Variants in SAMD5 observed in about 807,000 individuals in gnomAD.
The protein encoded by SAMD5 is sterile alpha motif domain containing 5, also known as sterile alpha motif domain-containing protein 5.
Under a neutral mutation model 11.3 loss-of-function variants are expected in SAMD5, and 13 were observed. The observed-to-expected ratio is 1.15, with a 90% CI of 0.75 to 1.83. SAMD5 has a LOEUF of 1.83. Among genes scored for constraint, SAMD5 ranks in the 40% most tolerant of loss-of-function variants. The pLI is 0.00. For synonymous variants in SAMD5, 129 were observed against 111.3 expected (o/e 1.16, Z -1.00); for missense variants, 255 against 239.1 (o/e 1.07, Z -0.44).
At chr6:147,537,982 A>AT (rs1788540183) in intron 1 of SAMD5, among the ~76,000 whole-genome samples, 1 of 152,164 alleles carries the variant, frequency 6.6e-6, no homozygotes, top group Non-Finnish European at 1.5e-5. Context: ...GTATTAGTGA[A>AT]TTTTTAATGT....
chr6:147,944,161 C>T, the SAMD5 span, among the ~76,000 whole-genome samples: 2 of 152,174 alleles, frequency 1.3e-5, no homozygotes, highest in African/African-American at 2.4e-5. Context: ...CTTACTATAC[C>T]CATTCACACA....
chr6:147,669,397 A>G (rs546993404), intron 1 of SAMD5, among the ~76,000 whole-genome samples: 1 of 146,962 alleles, frequency 6.8e-6, no homozygotes, highest in East Asian at 2.0e-4. Flanking sequence ...GTAGCCATTC[A>G]GTTGCATCTT....
chr6:147,945,711 G>A, the SAMD5 span, among the ~76,000 whole-genome samples: 15 of 152,282 alleles, frequency 9.9e-5, no homozygotes, highest in African/African-American at 2.4e-4. Context: ...TGGCAGGAAC[G>A]TTAGCCCCAC....
intron 1 of SAMD5, among the ~76,000 whole-genome samples, chr6:147,604,646 T>C (rs1379740169): frequency 6.6e-6 from 1 of 152,212 alleles, no homozygotes; most frequent in African/African-American, 2.4e-5. Flanking sequence ...CTCAGCTTGG[T>C]TGGAAGAATT....
the SAMD5 span, among the ~76,000 whole-genome samples, chr6:147,811,735 C>A: frequency 6.6e-6 from 1 of 151,418 alleles, no homozygotes; most frequent in Non-Finnish European, 1.5e-5. Context: ...CAACAATGAA[C>A]TTTAGATACT....
At chr6:147,537,254 C>T (rs1010611541) in intron 1 of SAMD5, among the ~76,000 whole-genome samples, 16 of 152,002 alleles carry the variant, frequency 1.1e-4, no homozygotes, top group African/African-American at 3.9e-4. Flanking sequence ...ATTTTTGTAC[C>T]AAATAAGCCA....
At chr6:147,945,931 C>T in the SAMD5 span, among the ~76,000 whole-genome samples, 1 of 152,142 alleles carries the variant, frequency 6.6e-6, no homozygotes, top group Non-Finnish European at 1.5e-5. Context: ...CAGCTTATTA[C>T]TGGGAGGTGA....
At chr6:147,819,680 C>A in the SAMD5 span, among the ~76,000 whole-genome samples, 1 of 152,186 alleles carries the variant, frequency 6.6e-6, no homozygotes, top group Non-Finnish European at 1.5e-5. Context: ...CACATGGGGA[C>A]TGGAATAGGT....
the SAMD5 span, among the ~76,000 whole-genome samples, chr6:147,900,638 C>A: frequency 6.6e-6 from 1 of 151,980 alleles, no homozygotes. Flanking sequence ...AAACAGAAAC[C>A]CTCTCTGTTT....
the SAMD5 span, among the ~76,000 whole-genome samples, chr6:147,922,425 T>C: frequency 6.6e-6 from 1 of 152,196 alleles, no homozygotes; most frequent in South Asian, 2.1e-4. Flanking sequence ...GTTCCGGGTG[T>C]ATGTGGGTTG....
chr6:147,847,487 G>A, the SAMD5 span, among the ~76,000 whole-genome samples: 1 of 152,112 alleles, frequency 6.6e-6, no homozygotes, highest in Non-Finnish European at 1.5e-5. Context: ...GCATTTGGTG[G>A]CTAAAACAGA....
the SAMD5 span, among the ~76,000 whole-genome samples, chr6:147,856,757 T>C: frequency 2.7e-5 from 4 of 150,178 alleles, no homozygotes; most frequent in African/African-American, 4.9e-5. Context: ...AAGAATCTAG[T>C]GCTTTTTCAT....
At chr6:147,538,852 C>T (rs185171484) in intron 1 of SAMD5, among the ~76,000 whole-genome samples, 154 of 152,208 alleles carry the variant, frequency 1.0e-3, no homozygotes, top group East Asian at 2.1e-3. Context: ...GTGAACAAAA[C>T]GGCATTAAAG....
intron 1 of SAMD5, among the ~76,000 whole-genome samples, chr6:147,629,163 A>G (rs1331545764): frequency 6.6e-6 from 1 of 152,098 alleles, no homozygotes; most frequent in African/African-American, 2.4e-5. Flanking sequence ...AAAAAACATC[A>G]GCTAGGCATA....
At chr6:147,875,514 C>G in the SAMD5 span, among the ~76,000 whole-genome samples, 1 of 152,174 alleles carries the variant, frequency 6.6e-6, no homozygotes, top group Non-Finnish European at 1.5e-5. Flanking sequence ...CTTCTACTCT[C>G]TTGTCAGCTG....
chr6:147,708,318 G>T (rs1686323062), intron 1 of SAMD5, among the ~76,000 whole-genome samples: 1 of 151,910 alleles, frequency 6.6e-6, no homozygotes, highest in Admixed American at 6.5e-5. Flanking sequence ...GCCTGGAGCT[G>T]TTCCTTCCCT....
At chr6:147,789,279 AC>A in the SAMD5 span, among the ~76,000 whole-genome samples, 2 of 6,956 alleles carry the variant, frequency 2.9e-4, no homozygotes, top group Non-Finnish European at 2.5e-4. Flanking sequence ...CTCTAGAAAA[AC>A]ACACACACAC....
At chr6:147,796,372 G>A in the SAMD5 span, among the ~76,000 whole-genome samples, 1 of 152,084 alleles carries the variant, frequency 6.6e-6, no homozygotes, top group African/African-American at 2.4e-5. Context: ...AGATCAGATA[G>A]TTGTAGATAT....
At chr6:147,763,737 C>T in the SAMD5 span, among the ~76,000 whole-genome samples, 1 of 151,846 alleles carries the variant, frequency 6.6e-6, no homozygotes, top group African/African-American at 2.4e-5. Context: ...CGCCCACCAC[C>T]ACGCCCGGCT....
Sources: allele counts gnomAD v4.1 joint callset (sites outside exome capture counted in the v4.1 genomes callset), GRCh38; gene constraint gnomAD v4.1.1; transcripts MANE v1.5; gene names NCBI Gene and HGNC (gene_info 2026-07-23, HGNC 2026-07-21).